The following IGSF11 variants were observed in gnomAD, a reference collection of about 807,000 sequenced individuals.
IGSF11 encodes the protein immunoglobulin superfamily member 11, also known as CXADR like 1.
A neutral mutation model predicts 41.0 loss-of-function variants in IGSF11; 22 were observed. That is an observed-to-expected ratio of 0.54 (90% CI 0.38 to 0.77). IGSF11 has a LOEUF of 0.77. Ranked by LOEUF, IGSF11 falls within the 30% of genes least tolerant of loss-of-function variation. IGSF11 has a pLI of 0.00. For synonymous variants in IGSF11, 219 were observed against 201.3 expected (o/e 1.09, Z -0.74); for missense variants, 444 against 530.8 (o/e 0.84, Z 1.61).
intron 1 of IGSF11, among the ~76,000 whole-genome samples, chr3:119,142,626 T>C (rs1290030762): frequency 1.3e-5 from 2 of 151,962 alleles, no homozygotes; most frequent in Non-Finnish European, 2.9e-5. Flanking sequence ...GTGTACCACT[T>C]ATGCATGGTG....
chr3:118,984,228 C>CAGGAT (rs1280262261), intron 1 of IGSF11, among the ~76,000 whole-genome samples: 1 of 151,364 alleles, frequency 6.6e-6, no homozygotes, highest in African/African-American at 2.4e-5. Context: ...AGTATCCTTC[C>CAGGAT]CCTCCCCTTA....
At chr3:118,965,306 G>C (rs1945593100) in intron 1 of IGSF11, among the ~76,000 whole-genome samples, 1 of 152,078 alleles carries the variant, frequency 6.6e-6, no homozygotes, top group African/African-American at 2.4e-5. Context: ...GACCCAGTGG[G>C]ATGCCACTCC....
intron 1 of IGSF11, among the ~76,000 whole-genome samples, chr3:118,935,423 T>G (rs1943196306): frequency 6.8e-6 from 1 of 146,102 alleles, no homozygotes; most frequent in African/African-American, 2.5e-5. Context: ...CATACGTATA[T>G]ACATATACGT....
intron 1 of IGSF11, among the ~76,000 whole-genome samples, chr3:119,084,482 T>C (rs1369575): frequency 0.61 from 92,528 of 152,026 alleles, 29,868 homozygotes; most frequent in African/African-American, 0.84. Flanking sequence ...CAGAAATGGA[T>C]CTGCAGCAAG....
chr3:119,133,834 C>T (rs2077518323), intron 1 of IGSF11, among the ~76,000 whole-genome samples: 1 of 152,192 alleles, frequency 6.6e-6, no homozygotes, highest in Non-Finnish European at 1.5e-5. Flanking sequence ...AAAATACTGG[C>T]AAACCGAATC....
chr3:119,015,919 G>A (rs1416554847), intron 1 of IGSF11, among the ~76,000 whole-genome samples: 1 of 152,166 alleles, frequency 6.6e-6, no homozygotes, highest in Non-Finnish European at 1.5e-5. Flanking sequence ...CGATTCAAAG[G>A]TTAAACAATA....
intron 1 of IGSF11, among the ~76,000 whole-genome samples, chr3:118,938,766 T>A (rs1013973181): frequency 6.6e-6 from 1 of 151,924 alleles, no homozygotes; most frequent in African/African-American, 2.4e-5. Context: ...GATAATATAG[T>A]TTGGGAAAGC....
chr3:118,991,286 C>T (rs1025632118), intron 1 of IGSF11, among the ~76,000 whole-genome samples: 1 of 152,174 alleles, frequency 6.6e-6, no homozygotes, highest in Non-Finnish European at 1.5e-5. Context: ...CTTATCATAA[C>T]ACTATTGTTG....
chr3:119,073,535 C>T (rs1329217598), intron 1 of IGSF11, among the ~76,000 whole-genome samples: 2 of 152,200 alleles, frequency 1.3e-5, no homozygotes, highest in Admixed American at 6.5e-5. Context: ...CTGCAGGTCC[C>T]GATCCCTGCC....
intron 1 of IGSF11, among the ~76,000 whole-genome samples, chr3:118,974,790 C>T (rs1173044157): frequency 6.6e-6 from 1 of 152,130 alleles, no homozygotes. Flanking sequence ...TTTCATTCTA[C>T]AATCTTTCTC....
At chr3:119,046,337 C>T (rs1266483851) in intron 1 of IGSF11, among the ~76,000 whole-genome samples, 7 of 151,678 alleles carry the variant, frequency 4.6e-5, no homozygotes, top group South Asian at 4.2e-4. Context: ...TCGAGAACTA[C>T]GTGAAGAATG....
chr3:119,028,715 A>G (rs1384945768), intron 1 of IGSF11, among the ~76,000 whole-genome samples: 1 of 151,040 alleles, frequency 6.6e-6, no homozygotes, highest in Non-Finnish European at 1.5e-5. Context: ...AAAAAAAACT[A>G]TGAAAATTGA....
At chr3:119,023,532 C>A (rs981528476) in intron 1 of IGSF11, among the ~76,000 whole-genome samples, 1 of 152,068 alleles carries the variant, frequency 6.6e-6, no homozygotes, top group Non-Finnish European at 1.5e-5. Context: ...CACATATGCA[C>A]ATGTACGCAC....
intron 1 of IGSF11, among the ~76,000 whole-genome samples, chr3:119,111,977 T>C (rs1189009361): frequency 2.6e-5 from 4 of 152,292 alleles, no homozygotes; most frequent in Middle Eastern, 3.4e-3. Flanking sequence ...AGTACCCAGC[T>C]GTGTGAGGTG....
intron 1 of IGSF11, among the ~76,000 whole-genome samples, chr3:119,082,174 GA>G (rs1272531745): frequency 6.6e-6 from 1 of 152,066 alleles, no homozygotes; most frequent in Non-Finnish European, 1.5e-5. Context: ...CCTGTTAATT[GA>G]AATTTAATGG....
At chr3:119,076,552 A>G (rs1265555562) in intron 1 of IGSF11, among the ~76,000 whole-genome samples, 2 of 152,178 alleles carry the variant, frequency 1.3e-5, no homozygotes, top group Non-Finnish European at 1.5e-5. Flanking sequence ...AAAGAACTCA[A>G]ACAAATTTAC....
At chr3:119,109,430 G>A (rs1366838794), upstream of IGSF11, among the ~76,000 whole-genome samples, 1 of 152,160 alleles carries the variant, frequency 6.6e-6, no homozygotes, top group Non-Finnish European at 1.5e-5. Context: ...GGGATCGGTG[G>A]TGATATCCCC....
chr3:118,959,913 C>T (rs547326864), intron 1 of IGSF11, among the ~76,000 whole-genome samples: 31 of 152,064 alleles, frequency 2.0e-4, no homozygotes, highest in Admixed American at 6.5e-5. Context: ...GGCGTGGTGG[C>T]GGGCGCCTGT....
upstream of IGSF11, among the ~76,000 whole-genome samples, chr3:119,039,165 A>C (rs1941021643): frequency 6.6e-6 from 1 of 152,220 alleles, no homozygotes; most frequent in African/African-American, 2.4e-5. Context: ...CTGCTATAAC[A>C]AATTACGACA....
Sources: gnomAD v4.1 joint callset for allele counts (sites outside exome capture counted in the v4.1 genomes callset) on GRCh38, gnomAD v4.1.1 for gene constraint, MANE v1.5 for transcripts, NCBI Gene and HGNC (gene_info 2026-07-23, HGNC 2026-07-21) for gene names.